The following DENND4C variants were observed in gnomAD, a reference collection of about 807,000 sequenced individuals.
DENND4C encodes the protein DENN domain containing 4C.
DENND4C carries 108 observed loss-of-function variants against 203.0 expected under a neutral mutation model. The observed-to-expected ratio is 0.53, with a 90% CI of 0.46 to 0.62. DENND4C has a LOEUF of 0.62. DENND4C is among the 20% of genes least tolerant of loss of function. The pLI is 0.00. For missense variants in DENND4C, 2,481 were observed against 2,301.2 expected (o/e 1.08, Z -1.60); for synonymous variants, 871 against 792.4 (o/e 1.10, Z -1.67).
chr9:19,290,954 G>T (rs1044713778), intron 5 of DENND4C, 78 bp downstream of exon 5: 2 of 1,370,872 alleles, frequency 1.5e-6, no homozygotes, highest in African/African-American at 1.5e-5. Flanking sequence ...AGTTTTATTT[G>T]AATGTTAGGA....
intron 5 of DENND4C, among the ~76,000 whole-genome samples, chr9:19,292,887 T>C (rs1053093024): frequency 1.3e-5 from 2 of 152,154 alleles, no homozygotes; most frequent in Non-Finnish European, 2.9e-5. Flanking sequence ...GGCGATTTTA[T>C]TGAAAAAATA....
chr9:19,293,216 G>T (rs1180134231), intron 5 of DENND4C, among the ~76,000 whole-genome samples: 4 of 152,216 alleles, frequency 2.6e-5, no homozygotes, highest in African/African-American at 9.6e-5. Flanking sequence ...CATTTGAGAT[G>T]TGGGTACTAG....
chr9:19,254,469 A>T (rs983504910), intron 1 of DENND4C, among the ~76,000 whole-genome samples: 1 of 152,218 alleles, frequency 6.6e-6, no homozygotes, highest in Non-Finnish European at 1.5e-5. Flanking sequence ...TATTATGCTA[A>T]GTGAAATAAG....
At chr9:19,263,766 T>G (rs756118824) in intron 1 of DENND4C, among the ~76,000 whole-genome samples, 6 of 152,032 alleles carry the variant, frequency 3.9e-5, no homozygotes, top group Non-Finnish European at 5.9e-5. Flanking sequence ...GCGATTTTCT[T>G]GCCTCAGCCT....
intron 10 of DENND4C, among the ~76,000 whole-genome samples, chr9:19,313,772 T>C (rs909917000): frequency 4.6e-5 from 7 of 152,220 alleles, no homozygotes; most frequent in Non-Finnish European, 1.0e-4. Flanking sequence ...TATTTTGACT[T>C]ACAGTTTCTT....
chr9:19,374,181 TTTTG>T lies in DENND4C; in HGVS notation c.*2012_*2015del, dbSNP rs1455925584. Among the ~76,000 whole-genome samples, 3 of 152,294 alleles carry T rather than the reference TTTTG, an allele frequency of 2.0e-5. No individual in the cohort carries two copies. The highest frequency in any genetic ancestry group is 1.9e-4 in the East Asian group (1 of 5,186). On this transcript the variant is annotated 3_prime_UTR_variant, in exon 33 of 33. Coordinates refer to ENST00000434457, the MANE Select transcript of DENND4C (RefSeq NM_001330640.2). ...ATCTGTAATCTTTAGAATCCCAATA[TTTTG>T]TTTTTTCCATTCCTTCACTCGTAAC... is the stretch of plus-strand genomic sequence containing the variant.
chr9:19,299,587 T>C (rs1034976633), intron 8 of DENND4C, among the ~76,000 whole-genome samples: 13 of 152,320 alleles, frequency 8.5e-5, no homozygotes, highest in African/African-American at 3.1e-4. Context: ...TAAGGTGAGC[T>C]GATTTTAACC....
intron 20 of DENND4C, among the ~76,000 whole-genome samples, chr9:19,339,970 G>A (rs1481190011): frequency 2.0e-5 from 3 of 151,986 alleles, no homozygotes; most frequent in African/African-American, 7.3e-5. Context: ...TTGGCCAGTG[G>A]GAGCTCCTTT....
At chr9:19,231,282 C>G (rs1016933846) in intron 1 of DENND4C, among the ~76,000 whole-genome samples, 3 of 151,490 alleles carry the variant, frequency 2.0e-5, no homozygotes, top group Non-Finnish European at 4.4e-5. Context: ...CGGGCAGTCT[C>G]GAGAGGAGTC....
Position 19,297,190 on chromosome 9 carries a change from C to A in DENND4C, c.1041-866C>A, listed in dbSNP as rs75606739. On this transcript the variant is annotated intron_variant, in intron 6 of 32. Coordinates refer to ENST00000434457, the MANE Select transcript of DENND4C (RefSeq NM_001330640.2). The stretch of plus-strand genomic sequence containing the variant: ...TATGTGTAAGCTTAGATGTTTCTTA[C>A]AATTTCAGAACTTTTACATTATAGC... Among the ~76,000 whole-genome samples the A allele has an allele frequency of 4.6e-3, 694 of 152,214 alleles. 3 individuals are homozygous for A. The highest frequency in any genetic ancestry group is 0.016 in the African/African-American group (668 of 41,540).
At chr9:19,359,906 G>A (rs2132198622) in intron 28 of DENND4C, among the ~76,000 whole-genome samples, 1 of 152,230 alleles carries the variant, frequency 6.6e-6, no homozygotes, top group Middle Eastern at 3.4e-3. Context: ...ATGTCACACA[G>A]TTTTTACACA....
Position 19,374,084 on chromosome 9 carries a change from T to C in DENND4C, c.*1911T>C, listed in dbSNP as rs1390990218. Among the ~76,000 whole-genome samples the C allele has an allele frequency of 6.6e-6, 1 of 152,224 alleles. No individual in the cohort carries two copies. The highest frequency in any genetic ancestry group is 2.4e-5 in the African/African-American group (1 of 41,472). On this transcript the variant is annotated 3_prime_UTR_variant, in exon 33 of 33. Transcript: ENST00000434457. ...TACTGACCCAACAGAAGTTTGGAATTACCTTGCATATAAAAATTGAGGTTG... is the reference window on the plus strand; with the variant it reads ...TACTGACCCAACAGAAGTTTGGAATCACCTTGCATATAAAAATTGAGGTTG...
intron 4 of DENND4C, among the ~76,000 whole-genome samples, chr9:19,289,538 G>C (rs1835850984): frequency 6.6e-6 from 1 of 152,124 alleles, no homozygotes; most frequent in Admixed American, 6.5e-5. Context: ...TTTAAAATCT[G>C]ATACTGTAGG....
chr9:19,356,816 AGT>A (rs1228006068), intron 26 of DENND4C, among the ~76,000 whole-genome samples, 154 bp from the exon 27 acceptor site: 2 of 151,024 alleles, frequency 1.3e-5, no homozygotes, highest in East Asian at 3.9e-4. Context: ...AGAGAGAGAG[AGT>A]GAGAGTGTAT....
Position 19,350,715 on chromosome 9 carries a change from G to A in DENND4C, c.4331G>A (p.Arg1444Lys), listed in dbSNP as rs762819162. The A allele has an allele frequency of 1.2e-6, 2 of 1,608,982 alleles. No homozygotes were observed. The highest frequency in any genetic ancestry group is 3.4e-5 in the Admixed American group (2 of 58,760). ...SYSDDEEETN[R>K]DYSFPAGLED... ...TTTCAATTAAAGGAAGAAACTAATA[G>A]AGACTACAGCTTCCCAGCTGGCCTA... The change falls in exon 24 of 33, where the codon AGA (arginine) becomes AAA (lysine). Residue 1444 changes from arginine (R) to lysine (K), a missense_variant. Physicochemically the swap from Arg to Lys is conservative, Grantham distance 26. Transcript: ENST00000434457.
intron 10 of DENND4C, among the ~76,000 whole-genome samples, chr9:19,307,133 C>T (rs1422188645): frequency 6.6e-6 from 1 of 152,026 alleles, no homozygotes; most frequent in Admixed American, 6.6e-5. Context: ...TGTAGTGTCT[C>T]ACACCTTTAA....
chr9:19,245,931 C>A (rs1825131781), intron 1 of DENND4C, among the ~76,000 whole-genome samples: 1 of 145,806 alleles, frequency 6.9e-6, no homozygotes, highest in Non-Finnish European at 1.5e-5. Flanking sequence ...TACTCCAGTA[C>A]CCTATTTTGA....
At chr9:19,259,116 T>G (rs757892103) in intron 1 of DENND4C, among the ~76,000 whole-genome samples, 5 of 152,204 alleles carry the variant, frequency 3.3e-5, no homozygotes, top group Non-Finnish European at 7.3e-5. Flanking sequence ...AATGGTACTT[T>G]TAGTTATTTT....
intron 10 of DENND4C, among the ~76,000 whole-genome samples, chr9:19,314,106 T>G (rs1423335392): frequency 6.6e-6 from 1 of 151,270 alleles, no homozygotes; most frequent in African/African-American, 2.4e-5. Context: ...AAAAGAATGA[T>G]ACAATGGACT....
Sources: gnomAD v4.1 joint callset for allele counts (sites outside exome capture counted in the v4.1 genomes callset) on GRCh38, gnomAD v4.1.1 for gene constraint, MANE v1.5 for transcripts, NCBI Gene and HGNC (gene_info 2026-07-23, HGNC 2026-07-21) for gene names.